FHDC1: variants seen among roughly 807,000 people sequenced by gnomAD.
FHDC1 encodes FH2 domain containing 1.
In FHDC1, 25 loss-of-function variants were observed where a neutral mutation model predicts 52.6. The observed-to-expected ratio is 0.48, with a 90% CI of 0.35 to 0.66. The LOEUF (loss-of-function observed/expected upper bound fraction) is 0.66, where lower values mean the gene tolerates loss of function less well. Ranked by LOEUF, FHDC1 falls within the 30% of genes least tolerant of loss-of-function variation. The probability of loss-of-function intolerance (pLI) is 0.01; values close to 1 mark genes in which losing one functional copy is unlikely to be tolerated. For synonymous variants in FHDC1, 616 were observed against 581.5 expected (o/e 1.06, Z -0.85); for missense variants, 1,459 against 1,452.8 (o/e 1.00, Z -0.07).
At chr4:152,960,023 T>C (rs1025948140) in intron 4 of FHDC1, among the ~76,000 whole-genome samples, 4 of 152,226 alleles carry the variant, frequency 2.6e-5, no homozygotes, top group African/African-American at 9.6e-5. Flanking sequence ...CAATAGACTC[T>C]TCCTTTAAAG....
chr4:152,928,075 C>T, the FHDC1 span: 8 of 1,366,566 alleles, frequency 5.9e-6, no homozygotes, highest in Non-Finnish European at 8.4e-6. Context: ...TCTGTATCAG[C>T]ATCCTCCCAG....
At chr4:152,973,532 C>A (rs1740740857) in intron 11 of FHDC1, among the ~76,000 whole-genome samples, 1 of 152,200 alleles carries the variant, frequency 6.6e-6, no homozygotes, top group Non-Finnish European at 1.5e-5. Flanking sequence ...TTCCATAGGC[C>A]TGTGAGGCCA....
At chr4:152,924,025 A>G in the FHDC1 span, among the ~76,000 whole-genome samples, 3 of 151,122 alleles carry the variant, frequency 2.0e-5, no homozygotes, top group Non-Finnish European at 4.5e-5. Flanking sequence ...ATTAAACTAA[A>G]GAGCTTCTGC....
intron 2 of FHDC1, among the ~76,000 whole-genome samples, chr4:152,951,891 G>A (rs1325179444): frequency 6.6e-6 from 1 of 152,158 alleles, no homozygotes; most frequent in Non-Finnish European, 1.5e-5. Flanking sequence ...GTCTGATAAA[G>A]CCACCTGAAA....
intron 2 of FHDC1, 139 bp downstream of exon 2, chr4:152,943,694 C>A: frequency 9.4e-7 from 1 of 1,065,530 alleles, no homozygotes; most frequent in Non-Finnish European, 1.3e-6. Context: ...AAATGCTAGG[C>A]AGGGTCTTTA....
chr4:152,958,519 A>G (rs1447566874), intron 4 of FHDC1, among the ~76,000 whole-genome samples: 5 of 152,094 alleles, frequency 3.3e-5, no homozygotes, highest in Admixed American at 2.6e-4. Flanking sequence ...AGCTTTTTAC[A>G]TAAGTGAAGG....
chr4:152,916,715 TCTC>T, the FHDC1 span, among the ~76,000 whole-genome samples: 2 of 152,110 alleles, frequency 1.3e-5, no homozygotes, highest in African/African-American at 4.8e-5. Context: ...TACTACAATT[TCTC>T]CTCTAGCATG....
intron 2 of FHDC1, among the ~76,000 whole-genome samples, chr4:152,950,808 G>A (rs752486456): frequency 1.8e-4 from 28 of 152,214 alleles, no homozygotes; most frequent in Admixed American, 5.2e-4. Context: ...CGTTTGCTAC[G>A]TCTCTATAGG....
chr4:152,975,906 C>T lies in FHDC1; in HGVS notation c.2615C>T (p.Pro872Leu). Residue 872 changes from proline (P) to leucine (L), a missense_variant, in exon 12 of 12, where the codon CCC (proline) becomes CTC (leucine). Pro to Leu is a moderately conservative substitution (Grantham distance 98, BLOSUM62 -3). Coordinates refer to ENST00000511601, the MANE Select transcript of FHDC1 (RefSeq NM_001371116.1). ...AGAGGCTCCCTGAAAGAGGCGTCTCCCGGGGCCTCCAAGCCCGGGAGCGCC... is the reference window on the plus strand; with the variant it reads ...AGAGGCTCCCTGAAAGAGGCGTCTCTCGGGGCCTCCAAGCCCGGGAGCGCC... ...PKRGSLKEASPGASKPGSARR... is the reference protein window; with the variant it reads ...PKRGSLKEASLGASKPGSARR... The T allele has an allele frequency of 1.3e-6, 2 of 1,514,540 alleles. No individual in the cohort carries two copies. The highest frequency in any genetic ancestry group is 1.8e-6 in the Non-Finnish European group (2 of 1,133,842). 93.8% of individuals were successfully genotyped at this position (1,514,540 alleles called of 1,614,324 possible). A position where few individuals can be genotyped will look rare whatever the true frequency, so the allele number is the denominator to read the frequency against.
Position 152,963,116 on chromosome 4 carries a change from C to T in FHDC1, c.1015C>T (p.His339Tyr). The change falls in exon 8 of 12, where the codon CAC becomes TAC. Residue 339 changes from histidine to tyrosine, a missense_variant. By Grantham distance (83) the His-to-Tyr change is moderately conservative (BLOSUM62 2). Around this residue, in one of 3 missense-constraint regions of FHDC1, gnomAD observed 513 missense variants for 581.5 expected, o/e 0.88. Coordinates refer to ENST00000511601, the MANE Select transcript of FHDC1 (RefSeq NM_001371116.1). ...AAACAAACCTGGGATGAATCTCCTG[C>T]ACTTTGTTGCACAGGTATGTGGAAA... ...KANKPGMNLL[H>Y]FVAQEAQKKD... The T allele has an allele frequency of 1.2e-6, 2 of 1,613,892 alleles. No homozygotes were observed. The highest frequency in any genetic ancestry group is 1.7e-6 in the Non-Finnish European group (2 of 1,179,926).
Position 152,960,812 on chromosome 4 carries a change from C to T in FHDC1, c.818C>T (p.Thr273Ile). Residue 273 changes from threonine (T) to isoleucine (I), a missense_variant, in exon 6 of 12, where the codon ACA (threonine) becomes ATA (isoleucine). This residue lies in a region of FHDC1 where 513 missense variants were observed against 581.5 expected (regional missense o/e 0.88). Transcript: ENST00000511601. ...CTACCTTCTTGCTCTTCTCTATATA[C>T]AGATATAACAGTTTTAAGAACTGCT... Reference protein sequence around the residue: ...EFLPSCSSLYTDITVLRTAIK... With the variant: ...EFLPSCSSLYIDITVLRTAIK... The T allele has an allele frequency of 6.2e-7, 1 of 1,606,462 alleles. No homozygotes were observed. The highest frequency in any genetic ancestry group is 8.5e-7 in the Non-Finnish European group (1 of 1,177,762).
In FHDC1 at chr4:152,976,552, G is replaced by A; in HGVS notation, c.3261G>A (p.Arg1087=). 1 of 1,612,944 alleles carries A rather than the reference G, an allele frequency of 6.2e-7. No individual in the cohort carries two copies. The highest frequency in any genetic ancestry group is 8.5e-7 in the Non-Finnish European group (1 of 1,179,776). ...CTCCCAAGGACAGCAGCACTTTGAGGCGAGCCAGCAGTGCCCGGGCCCCCA... is the reference window on the plus strand; with the variant it reads ...CTCCCAAGGACAGCAGCACTTTGAGACGAGCCAGCAGTGCCCGGGCCCCCA... ...DAAPKDSSTL[R]RASSARAPKK... Residue 1087 remains arginine, a synonymous_variant, in exon 12 of 12, where the codon AGG becomes AGA. Transcript: ENST00000511601.
rs1740251089 is a variant in FHDC1 at position 152,960,597 on chromosome 4, G to A, written c.696G>A (p.Val232=). 1.2e-6 allele frequency: 2 copies of A among 1,614,036 alleles called. No homozygotes were observed. The highest frequency in any genetic ancestry group is 1.7e-6 in the Non-Finnish European group (2 of 1,180,028). The change falls in exon 5 of 12, where the codon GTG becomes GTA. Residue 232 remains valine, a synonymous_variant. Transcript: ENST00000511601. ...VKKLKAFSGD[V]SKLSLADSFL... ...AGTTAAAAGCGTTTAGTGGCGACGT[G>A]TCGAAGCTGTCTCTGGCAGATTCCT...
chr4:152,948,510 G>A (rs1739804985), intron 2 of FHDC1, among the ~76,000 whole-genome samples: 1 of 152,182 alleles, frequency 6.6e-6, no homozygotes, highest in Non-Finnish European at 1.5e-5. Context: ...CTGGAGTGCA[G>A]TGGCATGATC....
intron 1 of FHDC1, among the ~76,000 whole-genome samples, chr4:152,937,702 G>A (rs1331654531): frequency 6.6e-6 from 1 of 151,884 alleles, no homozygotes; most frequent in Non-Finnish European, 1.5e-5. Flanking sequence ...TGTGGGCGTC[G>A]ATCTCAGCGC....
At chr4:152,940,761 A>G (rs953771079) in intron 1 of FHDC1, among the ~76,000 whole-genome samples, 1 of 152,240 alleles carries the variant, frequency 6.6e-6, no homozygotes, top group African/African-American at 2.4e-5. Flanking sequence ...TATACATGAG[A>G]TATTTTATGT....
chr4:152,930,988 C>T, the FHDC1 span, among the ~76,000 whole-genome samples: 2 of 145,998 alleles, frequency 1.4e-5, no homozygotes, highest in Non-Finnish European at 3.0e-5. Context: ...CACACACACA[C>T]ACACACACAC....
At chr4:152,953,722 T>C (rs908593978) in intron 3 of FHDC1, among the ~76,000 whole-genome samples, 162 bp downstream of exon 3, 2 of 152,240 alleles carry the variant, frequency 1.3e-5, no homozygotes, top group Non-Finnish European at 2.9e-5. Context: ...CTGCTGTTTT[T>C]CTTCAGGGAA....
At chr4:152,932,590 T>C (rs1381067961), upstream of FHDC1, among the ~76,000 whole-genome samples, 1 of 152,332 alleles carries the variant, frequency 6.6e-6, no homozygotes, top group East Asian at 1.9e-4. Flanking sequence ...GGACAGAGTT[T>C]GTTTCTTTCT....
Sources: gnomAD v4.1 joint callset for allele counts (sites outside exome capture counted in the v4.1 genomes callset) on GRCh38, gnomAD v4.1.1 for gene constraint, gnomAD v4.1.1 regional missense constraint, MANE v1.5 for transcripts, NCBI Gene and HGNC (gene_info 2026-07-23, HGNC 2026-07-21) for gene names.